The following CELF2 variants were observed in gnomAD, a reference collection of about 807,000 sequenced individuals.
CELF2 encodes the protein CUGBP Elav-like family member 2, also known as CUG triplet repeat RNA-binding protein 2.
A neutral mutation model predicts 62.6 loss-of-function variants in CELF2; 8 were observed. That is an observed-to-expected ratio of 0.13 (90% CI 0.07 to 0.23). The LOEUF is 0.23. Ranked by LOEUF, CELF2 falls within the 10% of genes least tolerant of loss-of-function variation. CELF2 has a pLI of 1.00. For synonymous variants in CELF2, 258 were observed against 250.0 expected, an observed-to-expected ratio of 1.03 and a Z score of -0.30; for missense variants, 333 against 671.0, an observed-to-expected ratio of 0.50 and a Z score of 5.56.
At chr10:11,222,718 A>G (rs2065237567) in intron 3 of CELF2, among the ~76,000 whole-genome samples, 2 of 152,268 alleles carry the variant, frequency 1.3e-5, no homozygotes, top group Non-Finnish European at 2.9e-5. Context: ...TAGCTCTTAC[A>G]TAGTGAATGC....
At chr10:10,908,214 A>ATTTTGTTTTTTTT (rs2063502992) in intron 1 of CELF2, among the ~76,000 whole-genome samples, 1 of 83,738 alleles carries the variant, frequency 1.2e-5, no homozygotes, top group Non-Finnish European at 2.1e-5. Context: ...GTATGAGGGG[A>ATTTTGTTTTTTTT]TTTTTTTTTT....
chr10:10,600,021 G>A, the CELF2 span, among the ~76,000 whole-genome samples: 1 of 152,192 alleles, frequency 6.6e-6, no homozygotes, highest in African/African-American at 2.4e-5. Flanking sequence ...GTGAGCCACC[G>A]AGCCCGGCCT....
At chr10:10,651,597 C>T in the CELF2 span, among the ~76,000 whole-genome samples, 4 of 120,350 alleles carry the variant, frequency 3.3e-5, no homozygotes, top group South Asian at 3.5e-4. Context: ...GGAGGCACCC[C>T]CCAGCAGGGG....
At chr10:11,136,330 C>A (rs1163549896) in intron 1 of CELF2, among the ~76,000 whole-genome samples, 4 of 152,152 alleles carry the variant, frequency 2.6e-5, no homozygotes, top group Admixed American at 6.5e-5. Context: ...TGGCCGGGCC[C>A]GGTGGCTCAC....
chr10:10,622,848 C>T, the CELF2 span, among the ~76,000 whole-genome samples: 1 of 151,512 alleles, frequency 6.6e-6, no homozygotes, highest in African/African-American at 2.4e-5. Flanking sequence ...AATCCCAGCA[C>T]TTTGGGAGGC....
the CELF2 span, among the ~76,000 whole-genome samples, chr10:10,546,819 A>G: frequency 6.6e-6 from 1 of 151,352 alleles, no homozygotes; most frequent in African/African-American, 2.4e-5. Context: ...TTAAAACTTC[A>G]TATTCAGCCA....
At chr10:10,552,710 A>T in the CELF2 span, among the ~76,000 whole-genome samples, 1 of 152,186 alleles carries the variant, frequency 6.6e-6, no homozygotes, top group Non-Finnish European at 1.5e-5. Context: ...GAGAGATCCC[A>T]TGGGGAGCAT....
At chr10:10,855,240 C>CA (rs764778842) in intron 1 of CELF2, among the ~76,000 whole-genome samples, 6 of 152,326 alleles carry the variant, frequency 3.9e-5, no homozygotes, top group Non-Finnish European at 8.8e-5. Context: ...ATCCTGCCAT[C>CA]ACTCCCTCCA....
intron 2 of CELF2, among the ~76,000 whole-genome samples, chr10:11,193,869 A>G (rs2056691625): frequency 6.6e-6 from 1 of 152,174 alleles, no homozygotes; most frequent in Non-Finnish European, 1.5e-5. Flanking sequence ...ATTGGTTCTC[A>G]GTATAACCTG....
chr10:10,767,207 TACCGCCACCACC>T, the CELF2 span, among the ~76,000 whole-genome samples: 1 of 151,924 alleles, frequency 6.6e-6, no homozygotes, highest in African/African-American at 2.4e-5. Flanking sequence ...CAACCAACAG[TACCGCCACCACC>T]ACTGCCACCA....
chr10:10,813,363 C>A (rs2056126520), intron 1 of CELF2, among the ~76,000 whole-genome samples: 1 of 152,154 alleles, frequency 6.6e-6, no homozygotes, highest in African/African-American at 2.4e-5. Flanking sequence ...TTGTTTTGTG[C>A]TAGTTTTTCA....
Position 10,926,613 on chromosome 10 carries a change from G to A in CELF2, c.89+6614G>A, listed in dbSNP as rs142892107. On this transcript the variant is annotated intron_variant, in intron 2 of 13. Transcript: ENST00000636488. ...CCTCATGCTCACAGCAACTCCAGCC[G>A]TCACGTGGGGACCATGTCCATCTTC... 5.9e-5 allele frequency among the ~76,000 whole-genome samples: 9 copies of A among 152,252 alleles called. No individual in the cohort carries two copies. In the East Asian group the frequency reaches 1.4e-3, roughly 23 times the overall value.
chr10:11,119,903 T>C (rs1382387702), intron 1 of CELF2, among the ~76,000 whole-genome samples: 5 of 146,820 alleles, frequency 3.4e-5, no homozygotes, highest in Non-Finnish European at 6.0e-5. Flanking sequence ...TATTGACATA[T>C]TATTTGCATA....
chr10:10,669,567 T>C, the CELF2 span, among the ~76,000 whole-genome samples: 1 of 149,972 alleles, frequency 6.7e-6, no homozygotes, highest in Non-Finnish European at 1.5e-5. Flanking sequence ...GATTCTAATA[T>C]GTAATTTGCC....
chr10:10,732,435 C>T, the CELF2 span, among the ~76,000 whole-genome samples: 2 of 152,020 alleles, frequency 1.3e-5, no homozygotes, highest in Non-Finnish European at 2.9e-5. Flanking sequence ...CTGCCTCTCC[C>T]TCTGAGCAAC....
chr10:10,742,098 A>C, the CELF2 span, among the ~76,000 whole-genome samples: 1 of 152,162 alleles, frequency 6.6e-6, no homozygotes, highest in African/African-American at 2.4e-5. Context: ...CAATTTCCTC[A>C]TTTAAGGTAA....
the CELF2 span, among the ~76,000 whole-genome samples, chr10:10,552,117 C>T: frequency 1.3e-5 from 2 of 152,240 alleles, no homozygotes; most frequent in East Asian, 3.9e-4. Context: ...ACCTCTGACA[C>T]AAGGCTTTTG....
At chr10:11,106,998 TG>T (rs1358222001) in intron 1 of CELF2, among the ~76,000 whole-genome samples, 1 of 152,196 alleles carries the variant, frequency 6.6e-6, no homozygotes, top group Non-Finnish European at 1.5e-5. Flanking sequence ...CCCAGCAGAT[TG>T]CAGAGGGAGC....
At chr10:11,015,567 A>G (rs1450803547), upstream of CELF2, among the ~76,000 whole-genome samples, 5 of 152,206 alleles carry the variant, frequency 3.3e-5, no homozygotes, top group Admixed American at 1.3e-4. The surrounding 1 kb of genome is among the most constrained non-coding windows in gnomAD (Gnocchi z 4.8). Flanking sequence ...TCCCATGTAG[A>G]GTGAGTTTTC....
Sources: gnomAD v4.1 joint callset for allele counts (sites outside exome capture counted in the v4.1 genomes callset) on GRCh38, gnomAD v4.1.1 for gene constraint, Gnocchi (gnomAD v3.1) non-coding constraint, MANE v1.5 for transcripts, NCBI Gene and HGNC (gene_info 2026-07-23, HGNC 2026-07-21) for gene names.